DMRT1: variants seen among roughly 807,000 people sequenced by gnomAD.
DMRT1 encodes doublesex- and mab-3-related transcription factor 1.
DMRT1 carries 7 observed loss-of-function variants against 32.3 expected under a neutral mutation model. That is an observed-to-expected ratio of 0.22 (90% confidence interval 0.12 to 0.41). The LOEUF (loss-of-function observed/expected upper bound fraction) is 0.41. Ranked by LOEUF, DMRT1 falls within the 10% of genes least tolerant of loss-of-function variation. The pLI, the probability that DMRT1 is intolerant of heterozygous loss-of-function variation, is 1.00. For missense variants in DMRT1, 625 were observed against 500.5 expected, an observed-to-expected ratio of 1.25 and a Z score of -2.37; for synonymous variants, 278 against 206.1, an observed-to-expected ratio of 1.35 and a Z score of -2.99.
intron 2 of DMRT1, among the ~76,000 whole-genome samples, chr9:878,209 C>CCCG (rs1554749518): frequency 7.9e-6 from 1 of 127,190 alleles, no homozygotes; most frequent in South Asian, 3.1e-4. Context: ...TGCCCCCCCC[C>CCCG]CACCCAATAA....
At chr9:897,922 T>A (rs750148162) in intron 3 of DMRT1, among the ~76,000 whole-genome samples, 2 of 152,164 alleles carry the variant, frequency 1.3e-5, no homozygotes, top group Non-Finnish European at 2.9e-5. Context: ...AAGAATTTGA[T>A]GCCCTTAGGA....
chr9:862,504 C>G (rs1262881304), intron 2 of DMRT1, among the ~76,000 whole-genome samples: 2 of 92,298 alleles, frequency 2.2e-5, no homozygotes, highest in African/African-American at 8.5e-5. Context: ...AGACGAGGAC[C>G]GTGCAATGGG....
At chr9:939,261 C>G (rs1202895303) in intron 4 of DMRT1, among the ~76,000 whole-genome samples, 1 of 152,206 alleles carries the variant, frequency 6.6e-6, no homozygotes, top group Non-Finnish European at 1.5e-5. Flanking sequence ...CTTACCAGGC[C>G]ACTAAGGACC....
At chr9:857,709 T>C (rs199965611) in intron 2 of DMRT1, among the ~76,000 whole-genome samples, 1 of 151,640 alleles carries the variant, frequency 6.6e-6, no homozygotes, top group South Asian at 2.1e-4. Flanking sequence ...ATGTGCCATG[T>C]TGGTGTGCTG....
intron 4 of DMRT1, among the ~76,000 whole-genome samples, chr9:951,628 T>C (rs936221144): frequency 2.6e-5 from 4 of 152,132 alleles, no homozygotes; most frequent in Non-Finnish European, 5.9e-5. Flanking sequence ...GGTAAATTAG[T>C]TTAATTGAAT....
chr9:955,581 C>A (rs1020226078), intron 4 of DMRT1, among the ~76,000 whole-genome samples: 3 of 152,140 alleles, frequency 2.0e-5, no homozygotes, highest in South Asian at 2.1e-4. Context: ...TAGTGCATGC[C>A]TGTAGTCTCA....
At chr9:842,757 C>T (rs1165127943) in intron 1 of DMRT1, 1 of 152,654 alleles carries the variant, frequency 6.6e-6, no homozygotes, top group East Asian at 1.9e-4. Flanking sequence ...CACGATCTCT[C>T]ACCCTGTGTT....
chr9:905,722 G>A (rs527567597), intron 3 of DMRT1, among the ~76,000 whole-genome samples: 1 of 152,218 alleles, frequency 6.6e-6, no homozygotes, highest in African/African-American at 2.4e-5. Flanking sequence ...ACAGTGTCAC[G>A]CTGCTGGGCA....
At chr9:852,791 G>C (rs1043556807) in intron 2 of DMRT1, among the ~76,000 whole-genome samples, 6 of 152,120 alleles carry the variant, frequency 3.9e-5, no homozygotes, top group African/African-American at 1.4e-4. Context: ...TCTGTGGCTC[G>C]TGGCCCAGTT....
intron 3 of DMRT1, among the ~76,000 whole-genome samples, chr9:907,490 C>G (rs930766368): frequency 4.6e-5 from 7 of 152,202 alleles, no homozygotes; most frequent in Non-Finnish European, 8.8e-5. Context: ...TGTGAACCCC[C>G]TGATATGCAC....
At chr9:928,301 T>C (rs770297105) in intron 4 of DMRT1, among the ~76,000 whole-genome samples, 2 of 152,210 alleles carry the variant, frequency 1.3e-5, no homozygotes, top group Non-Finnish European at 2.9e-5. Context: ...TAAAATTCTC[T>C]GTTAAGTATA....
intron 3 of DMRT1, among the ~76,000 whole-genome samples, chr9:916,373 C>G (rs1048065738): frequency 6.8e-6 from 1 of 146,118 alleles, no homozygotes; most frequent in Non-Finnish European, 1.5e-5. Context: ...CCTTAATTTG[C>G]TTTTTTTTTT....
intron 3 of DMRT1, among the ~76,000 whole-genome samples, chr9:899,309 A>G (rs1342500429): frequency 6.6e-6 from 1 of 152,156 alleles, no homozygotes; most frequent in East Asian, 1.9e-4. Context: ...ATTCTTAGAG[A>G]TGAGTAGAAA....
chr9:915,140 G>A (rs554119796), intron 3 of DMRT1, among the ~76,000 whole-genome samples: 29 of 152,146 alleles, frequency 1.9e-4, no homozygotes, highest in Non-Finnish European at 2.1e-4. Flanking sequence ...CCCTTAGATC[G>A]AATTTTGTTT....
chr9:923,285 G>T (rs1262704564), intron 4 of DMRT1, among the ~76,000 whole-genome samples: 1 of 152,172 alleles, frequency 6.6e-6, no homozygotes, highest in Non-Finnish European at 1.5e-5. Context: ...CGCCAAAGGT[G>T]CCCTTTATGT....
At chr9:846,095 G>C (rs544833097) in intron 1 of DMRT1, among the ~76,000 whole-genome samples, 1 of 149,542 alleles carries the variant, frequency 6.7e-6, no homozygotes, top group Non-Finnish European at 1.5e-5. Context: ...GCAGTGTCGC[G>C]ATCTCGGCTC....
chr9:866,594 G>A (rs1273653934), intron 2 of DMRT1, among the ~76,000 whole-genome samples: 2 of 152,178 alleles, frequency 1.3e-5, no homozygotes, highest in Non-Finnish European at 1.5e-5. Flanking sequence ...AAACCAGAAA[G>A]CAACGAGAGA....
intron 3 of DMRT1, among the ~76,000 whole-genome samples, chr9:912,246 A>G (rs571675923): frequency 7.2e-5 from 11 of 152,298 alleles, no homozygotes; most frequent in South Asian, 2.1e-4. Flanking sequence ...CCATGATCCA[A>G]TCACCACCGC....
intron 1 of DMRT1, among the ~76,000 whole-genome samples, chr9:844,969 G>A (rs995938266): frequency 5.9e-5 from 9 of 151,988 alleles, no homozygotes; most frequent in Admixed American, 2.6e-4. Context: ...TGATCCACCC[G>A]CCTCGGCTTC....
Sources: allele counts gnomAD v4.1 joint callset (sites outside exome capture counted in the v4.1 genomes callset), GRCh38; gene constraint gnomAD v4.1.1; transcripts MANE v1.5; gene names NCBI Gene and HGNC (gene_info 2026-07-23, HGNC 2026-07-21).